CORO2B: variants seen among roughly 807,000 people sequenced by gnomAD.
CORO2B encodes coronin 2B, also known as coronin-2B.
In CORO2B, 26 loss-of-function variants were observed where a neutral mutation model predicts 58.8. That is an observed-to-expected ratio of 0.44 (90% CI 0.32 to 0.61). The LOEUF is 0.61. Ranked by LOEUF, CORO2B falls within the 20% of genes least tolerant of loss-of-function variation. CORO2B has a pLI of 0.04. For synonymous variants in CORO2B, 242 were observed against 253.8 expected (o/e 0.95, Z 0.44); for missense variants, 460 against 645.1 (o/e 0.71, Z 3.11).
At chr15:68,566,181 G>T in the CORO2B span, among the ~76,000 whole-genome samples, 1 of 152,116 alleles carries the variant, frequency 6.6e-6, no homozygotes, top group Non-Finnish European at 1.5e-5. Flanking sequence ...AACATGGTAG[G>T]GTCCTGTTAG....
At chr15:68,547,624 G>A in the CORO2B span, among the ~76,000 whole-genome samples, 116,893 of 151,934 alleles carry the variant, frequency 0.77, 45,236 homozygotes, top group East Asian at 0.98. Context: ...TTACAGGCGT[G>A]AGCCACCGCA....
At chr15:68,555,039 C>T in the CORO2B span, among the ~76,000 whole-genome samples, 2 of 152,040 alleles carry the variant, frequency 1.3e-5, no homozygotes, top group African/African-American at 4.8e-5. Context: ...GGGTGGGCAG[C>T]CCCTTTCCCA....
intron 1 of CORO2B, among the ~76,000 whole-genome samples, chr15:68,580,764 C>T (rs192751069): frequency 4.3e-4 from 66 of 152,088 alleles, no homozygotes; most frequent in African/African-American, 1.4e-3. Flanking sequence ...TGGATGGGCC[C>T]GGCTAGAGAG....
At chr15:68,679,304 C>T (rs998229584) in intron 2 of CORO2B, among the ~76,000 whole-genome samples, 4 of 152,178 alleles carry the variant, frequency 2.6e-5, no homozygotes, top group South Asian at 4.1e-4. Context: ...TGGAAGGGCC[C>T]TGATGGTTCA....
chr15:68,590,613 C>T (rs1393451187), intron 1 of CORO2B, among the ~76,000 whole-genome samples: 1 of 152,214 alleles, frequency 6.6e-6, no homozygotes, highest in African/African-American at 2.4e-5. Flanking sequence ...TCCCCTACCA[C>T]TTCGCTTAGA....
intron 8 of CORO2B, among the ~76,000 whole-genome samples, chr15:68,717,739 C>G (rs1226090783): frequency 6.6e-6 from 1 of 152,154 alleles, no homozygotes; most frequent in African/African-American, 2.4e-5. Flanking sequence ...ATTTGGGAAA[C>G]CATTTCACCC....
At chr15:68,657,483 A>G (rs1007635280) in intron 2 of CORO2B, among the ~76,000 whole-genome samples, 4 of 144,100 alleles carry the variant, frequency 2.8e-5, no homozygotes, top group South Asian at 4.4e-4. Context: ...ATGCCACTGC[A>G]CTCTAGCTTA....
chr15:68,676,837 T>C (rs1021876311), intron 2 of CORO2B, among the ~76,000 whole-genome samples: 2 of 150,624 alleles, frequency 1.3e-5, no homozygotes, highest in East Asian at 1.9e-4. Flanking sequence ...AGTGGCACCA[T>C]CACGACTCAC....
the CORO2B span, among the ~76,000 whole-genome samples, chr15:68,529,997 G>C: frequency 2.0e-5 from 3 of 152,020 alleles, no homozygotes; most frequent in Non-Finnish European, 4.4e-5. Context: ...ATTCCATTTT[G>C]GTCAGAAAAT....
the CORO2B span, among the ~76,000 whole-genome samples, chr15:68,558,523 C>T: frequency 6.6e-6 from 1 of 152,152 alleles, no homozygotes; most frequent in Admixed American, 6.6e-5. Flanking sequence ...CACAGGCATG[C>T]GTCACCATTC....
the CORO2B span, among the ~76,000 whole-genome samples, chr15:68,536,492 C>T: frequency 6.6e-6 from 1 of 152,198 alleles, no homozygotes; most frequent in Non-Finnish European, 1.5e-5. Context: ...AATAGCACAG[C>T]ATTTCAGAAC....
intron 1 of CORO2B, among the ~76,000 whole-genome samples, chr15:68,638,218 G>A (rs891924060): frequency 7.8e-5 from 10 of 128,338 alleles, no homozygotes; most frequent in South Asian, 2.6e-4. Context: ...AGCCCAGCCC[G>A]CCCTGTCCTC....
intron 2 of CORO2B, among the ~76,000 whole-genome samples, chr15:68,674,419 G>C (rs895618962): frequency 6.6e-6 from 1 of 152,248 alleles, no homozygotes; most frequent in Non-Finnish European, 1.5e-5. Flanking sequence ...TGCCCCAGGT[G>C]ATTGTGTGCC....
chr15:68,666,594 C>A (rs946348980), intron 2 of CORO2B, among the ~76,000 whole-genome samples: 3 of 152,174 alleles, frequency 2.0e-5, no homozygotes, highest in East Asian at 3.9e-4. Flanking sequence ...AGAGAAGTGG[C>A]CTGAGCAGGT....
chr15:68,559,682 G>A, the CORO2B span: 2 of 968,006 alleles, frequency 2.1e-6, no homozygotes, highest in East Asian at 1.2e-4. The surrounding 1 kb of genome is among the most constrained non-coding windows in gnomAD (Gnocchi z 4.3). Context: ...CCGGTTTTCC[G>A]GTTGGTGCAG....
At chr15:68,544,226 T>A in the CORO2B span, among the ~76,000 whole-genome samples, 1 of 152,122 alleles carries the variant, frequency 6.6e-6, no homozygotes, top group African/African-American at 2.4e-5. Context: ...AGTTTCCCCA[T>A]CTGTAAAAGG....
the CORO2B span, among the ~76,000 whole-genome samples, chr15:68,548,705 T>A: frequency 6.6e-6 from 1 of 152,240 alleles, no homozygotes; most frequent in East Asian, 1.9e-4. Flanking sequence ...AGTATTAATG[T>A]CTCCAAATCT....
In CORO2B at chr15:68,710,768, C is replaced by G. The variant is rs535068266; in HGVS notation, c.370C>G (p.Arg124Gly). Residue 124 changes from arginine (R) to glycine (G), a missense_variant, in exon 4 of 12, where the codon CGG (arginine) becomes GGG (glycine). Coordinates refer to ENST00000261861, the MANE Select transcript of CORO2B (RefSeq NM_006091.5). This position sits in a 1 kb window ranked among gnomAD's most constrained non-coding sequence, Gnocchi z 4.1. The part of the protein sequence containing the change: ...IWEIPEGGLK[R>G]NMTEALLELH... The stretch of plus-strand genomic sequence containing the variant: ...GGAGATCCCCGAGGGCGGGCTGAAG[C>G]GGAACATGACGGAGGCGCTCCTGGA... The G allele has an allele frequency of 1.2e-6, 2 of 1,611,194 alleles. No individual in the cohort carries two copies. The highest frequency in any genetic ancestry group is 1.7e-5 in the Admixed American group (1 of 59,678).
chr15:68,721,696 T>G (rs1380067775), intron 11 of CORO2B, among the ~76,000 whole-genome samples: 1 of 152,104 alleles, frequency 6.6e-6, no homozygotes, highest in African/African-American at 2.4e-5. Context: ...TTTCTATTAA[T>G]ATAGATATAT....
Sources: gnomAD v4.1 joint callset for allele counts (sites outside exome capture counted in the v4.1 genomes callset) on GRCh38, gnomAD v4.1.1 for gene constraint, Gnocchi (gnomAD v3.1) non-coding constraint, MANE v1.5 for transcripts, NCBI Gene and HGNC (gene_info 2026-07-23, HGNC 2026-07-21) for gene names.